The following SGCZ variants were observed in gnomAD, a reference collection of about 807,000 sequenced individuals.
SGCZ encodes the protein zeta-sarcoglycan.
SGCZ carries 40 observed loss-of-function variants against 41.3 expected under a neutral mutation model. The ratio of observed to expected loss-of-function variants is 0.97; its 90% CI spans 0.75 to 1.26. The LOEUF (loss-of-function observed/expected upper bound fraction) is 1.26. SGCZ is among the 50% of genes most tolerant of loss of function. SGCZ has a pLI of 0.00. For missense variants in SGCZ, 552 were observed against 369.8 expected (o/e 1.49, Z -4.04); for synonymous variants, 206 against 137.5 (o/e 1.50, Z -3.49).
At chr8:14,639,038 C>CTTTTTTTTTTTTTTTT (rs148778266) in intron 1 of SGCZ, among the ~76,000 whole-genome samples, 1 of 137,614 alleles carries the variant, frequency 7.3e-6, no homozygotes. Context: ...AAACTGGAAT[C>CTTTTTTTTTTTTTTTT]TTTTTTTTTT....
intron 1 of SGCZ, among the ~76,000 whole-genome samples, chr8:14,607,687 TC>T (rs2117330287): frequency 7.4e-6 from 1 of 135,670 alleles, no homozygotes; most frequent in Non-Finnish European, 1.6e-5. Context: ...AGTATTGATC[TC>T]AACTCGTGGG....
intron 5 of SGCZ, among the ~76,000 whole-genome samples, chr8:14,132,050 TTTC>T (rs1435617765): frequency 2.0e-5 from 3 of 152,174 alleles, no homozygotes; most frequent in Admixed American, 6.5e-5. Context: ...ATTTTGCCCC[TTTC>T]TTCTTATTTG....
intron 3 of SGCZ, among the ~76,000 whole-genome samples, chr8:14,277,877 G>T (rs1006653102): frequency 3.3e-5 from 5 of 151,692 alleles, no homozygotes; most frequent in African/African-American, 7.3e-5. Context: ...AAATAACCAG[G>T]AAAGATTAAC....
intron 5 of SGCZ, among the ~76,000 whole-genome samples, chr8:14,146,877 ATAAAAAT>A (rs1803539658): frequency 7.0e-6 from 1 of 141,860 alleles, no homozygotes; most frequent in African/African-American, 2.7e-5. Context: ...GTCTCAAAAA[ATAAAAAT>A]AAAAAAAATA....
intron 1 of SGCZ, among the ~76,000 whole-genome samples, chr8:14,732,133 A>G (rs1798874565): frequency 6.6e-6 from 1 of 152,210 alleles, no homozygotes; most frequent in Non-Finnish European, 1.5e-5. Flanking sequence ...TATTTAAGTG[A>G]TAACAGGATC....
At chr8:14,986,880 T>G (rs1445974978) in intron 1 of SGCZ, among the ~76,000 whole-genome samples, 1 of 152,000 alleles carries the variant, frequency 6.6e-6, no homozygotes, top group Non-Finnish European at 1.5e-5. Context: ...GATTAAAATT[T>G]TGTTATAAAT....
intron 1 of SGCZ, among the ~76,000 whole-genome samples, chr8:14,585,888 T>A (rs1459326835): frequency 6.6e-6 from 1 of 152,158 alleles, no homozygotes; most frequent in South Asian, 2.1e-4. Context: ...CAGTAAATCA[T>A]GCAGTGGTGA....
At chr8:14,960,514 G>A (rs773077388) in intron 1 of SGCZ, among the ~76,000 whole-genome samples, 6 of 152,128 alleles carry the variant, frequency 3.9e-5, no homozygotes, top group Non-Finnish European at 7.4e-5. Flanking sequence ...GCCACTGCAA[G>A]CAGCTGAAGA....
chr8:14,143,314 C>T (rs1327802012), intron 5 of SGCZ, among the ~76,000 whole-genome samples: 1 of 152,024 alleles, frequency 6.6e-6, no homozygotes, highest in African/African-American at 2.4e-5. Context: ...GGATTTCTAA[C>T]CATTTTTGTA....
At chr8:15,107,648 C>A (rs1369149116) in intron 1 of SGCZ, among the ~76,000 whole-genome samples, 1 of 151,872 alleles carries the variant, frequency 6.6e-6, no homozygotes, top group Admixed American at 6.6e-5. Context: ...CTACATAAAC[C>A]TTTTTTTTGT....
chr8:14,826,637 G>A (rs2130586367), intron 1 of SGCZ, among the ~76,000 whole-genome samples: 1 of 152,236 alleles, frequency 6.6e-6, no homozygotes, highest in South Asian at 2.1e-4. Flanking sequence ...TAACTAGTGT[G>A]AGATGGTATC....
chr8:14,867,756 C>A (rs1373187461), intron 1 of SGCZ, among the ~76,000 whole-genome samples: 1 of 151,862 alleles, frequency 6.6e-6, no homozygotes, highest in Non-Finnish European at 1.5e-5. Context: ...CACACTGGGG[C>A]CTCTTGGAGG....
At chr8:14,500,908 G>T (rs1360934804) in intron 2 of SGCZ, among the ~76,000 whole-genome samples, 1 of 151,840 alleles carries the variant, frequency 6.6e-6, no homozygotes. Context: ...TTAACCAAAG[G>T]GAAACCATGA....
chr8:14,646,442 CA>C (rs1807219711), intron 1 of SGCZ, among the ~76,000 whole-genome samples: 1 of 147,120 alleles, frequency 6.8e-6, no homozygotes, highest in Non-Finnish European at 1.5e-5. Flanking sequence ...TTTCATTATC[CA>C]ACCCACTGTT....
chr8:14,572,850 G>GT (rs555978126), intron 1 of SGCZ, among the ~76,000 whole-genome samples: 404 of 152,054 alleles, frequency 2.7e-3, no homozygotes, highest in African/African-American at 5.3e-3. Flanking sequence ...ATCCAGGTCT[G>GT]TTTTTTTTGA....
intron 1 of SGCZ, among the ~76,000 whole-genome samples, chr8:14,720,507 T>C (rs188626620): frequency 2.0e-5 from 3 of 152,122 alleles, no homozygotes; most frequent in African/African-American, 7.2e-5. Context: ...AGCTCATCAT[T>C]AACCTAAGGT....
At chr8:15,159,753 C>G (rs1160892518) in intron 1 of SGCZ, among the ~76,000 whole-genome samples, 5 of 35,258 alleles carry the variant, frequency 1.4e-4, no homozygotes, top group African/African-American at 3.5e-4. Context: ...CTCCCCCCCA[C>G]CCCCGCCACA....
intron 2 of SGCZ, among the ~76,000 whole-genome samples, chr8:14,501,774 A>G (rs552819720): frequency 8.4e-4 from 128 of 152,226 alleles, no homozygotes; most frequent in Non-Finnish European, 1.5e-3. Context: ...TCCAAAATTT[A>G]GTATTCTAAA....
At chr8:14,710,960 A>T (rs1007988584) in intron 1 of SGCZ, among the ~76,000 whole-genome samples, 1 of 152,224 alleles carries the variant, frequency 6.6e-6, no homozygotes, top group Non-Finnish European at 1.5e-5. Context: ...GAAGAAAGCA[A>T]GTAAGAGGAA....
Sources: gnomAD v4.1 joint callset for allele counts (sites outside exome capture counted in the v4.1 genomes callset) on GRCh38, gnomAD v4.1.1 for gene constraint, MANE v1.5 for transcripts, NCBI Gene and HGNC (gene_info 2026-07-23, HGNC 2026-07-21) for gene names.